Variants in CCDC138 observed in about 807,000 individuals in gnomAD.
CCDC138 encodes coiled-coil domain-containing protein 138.
CCDC138 carries 66 observed loss-of-function variants against 82.3 expected under a neutral mutation model. The observed-to-expected ratio is 0.80, with a 90% CI of 0.66 to 0.98. CCDC138 has a LOEUF of 0.98. Among genes scored for constraint, CCDC138 ranks in the 50% least tolerant of loss-of-function variants. The pLI, the probability that CCDC138 is intolerant of heterozygous loss-of-function variation, is 0.00. For missense variants in CCDC138, 816 were observed against 758.9 expected, an observed-to-expected ratio of 1.08 and a Z score of -0.88; for synonymous variants, 297 against 265.4, an observed-to-expected ratio of 1.12 and a Z score of -1.16.
At chr2:108,787,252 A>G (rs1679013062) in intron 1 of CCDC138, among the ~76,000 whole-genome samples, 1 of 152,208 alleles carries the variant, frequency 6.6e-6, no homozygotes, top group South Asian at 2.1e-4. Flanking sequence ...ATTTCGAAAT[A>G]ATTTCGGACT....
At chr2:108,825,881 A>C (rs201345425) in intron 10 of CCDC138, among the ~76,000 whole-genome samples, 2 of 152,188 alleles carry the variant, frequency 1.3e-5, no homozygotes, top group East Asian at 3.8e-4. Flanking sequence ...GAGTCCTGCC[A>C]GCAGTCTGCA....
intron 1 of CCDC138, among the ~76,000 whole-genome samples, chr2:108,881,705 A>T (rs1462393505): frequency 6.6e-6 from 1 of 152,212 alleles, no homozygotes; most frequent in Non-Finnish European, 1.5e-5. Context: ...GTTATGTCTC[A>T]GGAAATGAAG....
At chr2:108,881,682 T>G (rs1427781023) in intron 1 of CCDC138, among the ~76,000 whole-genome samples, 6 of 152,200 alleles carry the variant, frequency 3.9e-5, no homozygotes, top group Admixed American at 1.3e-4. Context: ...TTAATTGGCC[T>G]AATTTCAGTA....
In CCDC138 at chr2:108,812,983, C is replaced by T. The variant is rs556443630; in HGVS notation, c.1041+56C>T. ...AAAATTTCTCGGCTGGGTACGGTGG[C>T]TCACACCTGTAATCCCAGCACTTTG... is the stretch of plus-strand genomic sequence containing the variant. On this transcript the variant is annotated intron_variant, in intron 9 of 14. Transcript: ENST00000295124. The T allele has an allele frequency of 1.4e-4, 200 of 1,445,498 alleles. 2 individuals are homozygous for T. The East Asian group carries it at 4.5e-3, about 32-fold the overall frequency. 89.5% of individuals were successfully genotyped at this position (1,445,498 alleles called of 1,614,324 possible).
rs35540493 is a variant in CCDC138 at position 108,857,066 on chromosome 2, CTTTTTTTTTTTTTT to C, written c.1693+114_1693+127del. 3.7e-3 allele frequency: 161 copies of C among 44,088 alleles called. 1 individual carries two copies. The highest frequency in any genetic ancestry group is 0.016 in the African/African-American group (128 of 8,086). The allele number at this position is 44,088 out of a possible 1,614,324, so 2.7% of individuals were successfully genotyped here. ...TAACTCCACATATCAGATACTATTG[CTTTTTTTTTTTTTT>C]TTTTTTTTTTTTTTTTTGAGATGGA... On this transcript the variant is annotated intron_variant, in intron 13 of 14. Transcript: ENST00000295124.
intron 4 of CCDC138, among the ~76,000 whole-genome samples, chr2:108,792,828 G>A (rs1405590733): frequency 6.6e-6 from 1 of 152,172 alleles, no homozygotes; most frequent in Non-Finnish European, 1.5e-5. Flanking sequence ...ACTTTGGGAG[G>A]CCGAGGCGGG....
chr2:108,819,591 T>C (rs1685325179), intron 10 of CCDC138, among the ~76,000 whole-genome samples: 1 of 152,142 alleles, frequency 6.6e-6, no homozygotes, highest in Non-Finnish European at 1.5e-5. Context: ...GCTAGGGAAA[T>C]TAAGACTGTC....
chr2:108,845,967 T>G (rs1690395288), intron 11 of CCDC138, among the ~76,000 whole-genome samples: 1 of 152,232 alleles, frequency 6.6e-6, no homozygotes, highest in Non-Finnish European at 1.5e-5. Context: ...CATTTTTTTT[T>G]GTTTTATTCT....
At chr2:108,854,171 A>G (rs950176744) in intron 12 of CCDC138, among the ~76,000 whole-genome samples, 1 of 146,028 alleles carries the variant, frequency 6.8e-6, no homozygotes, top group African/African-American at 2.5e-5. Flanking sequence ...GTCCTGTCCT[A>G]CTTGGCACTT....
At chr2:108,841,989 T>G (rs1689563239) in intron 11 of CCDC138, among the ~76,000 whole-genome samples, 1 of 152,118 alleles carries the variant, frequency 6.6e-6, no homozygotes, top group Non-Finnish European at 1.5e-5. Context: ...CTCCAATGAT[T>G]AGAAGTCATA....
At chr2:108,806,839 C>T (rs1682956496) in intron 7 of CCDC138, among the ~76,000 whole-genome samples, 1 of 152,116 alleles carries the variant, frequency 6.6e-6, no homozygotes, top group East Asian at 1.9e-4. Context: ...TAAGTCTAGC[C>T]AAGCTGAGGA....
At chr2:108,805,216 GACAA>G (rs1258776010) in intron 7 of CCDC138, among the ~76,000 whole-genome samples, 14 of 152,046 alleles carry the variant, frequency 9.2e-5, no homozygotes, top group East Asian at 7.7e-4. Context: ...GCAACCAACT[GACAA>G]ACAAAAGAAA....
chr2:108,844,087 C>T (rs1690039690), intron 11 of CCDC138, among the ~76,000 whole-genome samples: 1 of 151,568 alleles, frequency 6.6e-6, no homozygotes, highest in Non-Finnish European at 1.5e-5. Context: ...GTCTTGAACT[C>T]CCAGGCTCAA....
At chr2:108,823,977 A>G (rs1042105753) in intron 10 of CCDC138, among the ~76,000 whole-genome samples, 1 of 151,198 alleles carries the variant, frequency 6.6e-6, no homozygotes, top group African/African-American at 2.4e-5. Flanking sequence ...ACTGTCTCAA[A>G]AGAAAAAAAA....
intron 3 of CCDC138, among the ~76,000 whole-genome samples, chr2:108,790,897 G>A (rs992399972): frequency 6.6e-6 from 1 of 151,850 alleles, no homozygotes; most frequent in Non-Finnish European, 1.5e-5. Flanking sequence ...GACTACAGAC[G>A]TGCACCACTA....
At chr2:108,853,899 ATT>A (rs1308303610) in intron 12 of CCDC138, among the ~76,000 whole-genome samples, 1 of 120,164 alleles carries the variant, frequency 8.3e-6, no homozygotes, top group African/African-American at 3.6e-5. Flanking sequence ...TAGTATATAT[ATT>A]ATATATTATA....
At chr2:108,796,795 G>A (rs1368156164) in intron 5 of CCDC138, among the ~76,000 whole-genome samples, 1 of 152,132 alleles carries the variant, frequency 6.6e-6, no homozygotes, top group Non-Finnish European at 1.5e-5. Flanking sequence ...AAATAGAGAT[G>A]GAATGGTGGT....
At chr2:108,797,171 G>A (rs992826775) in intron 5 of CCDC138, among the ~76,000 whole-genome samples, 1 of 152,122 alleles carries the variant, frequency 6.6e-6, no homozygotes, top group African/African-American at 2.4e-5. Context: ...AGGGTATAAG[G>A]AATGAGAAGG....
chr2:108,847,913 A>AGT (rs1199649720), intron 12 of CCDC138, among the ~76,000 whole-genome samples: 1 of 152,230 alleles, frequency 6.6e-6, no homozygotes. Flanking sequence ...CTAGGTGGTT[A>AGT]GTGTGTGAAA....
Sources: gnomAD v4.1 joint callset for allele counts (sites outside exome capture counted in the v4.1 genomes callset) on GRCh38, gnomAD v4.1.1 for gene constraint, MANE v1.5 for transcripts, NCBI Gene and HGNC (gene_info 2026-07-23, HGNC 2026-07-21) for gene names.